The following ITGA8 variants were observed in gnomAD, a reference collection of about 807,000 sequenced individuals.
The protein encoded by ITGA8 is integrin alpha-8.
Under a neutral mutation model 142.3 loss-of-function variants are expected in ITGA8, and 91 were observed. The observed-to-expected ratio is 0.64, with a 90% CI of 0.54 to 0.76. ITGA8 has a LOEUF of 0.76. Among genes scored for constraint, ITGA8 ranks in the 30% least tolerant of loss-of-function variants. ITGA8 has a pLI of 0.00. For missense variants in ITGA8, 1,406 were observed against 1,327.7 expected, an observed-to-expected ratio of 1.06 and a Z score of -0.92; for synonymous variants, 505 against 485.2, an observed-to-expected ratio of 1.04 and a Z score of -0.54.
chr10:15,534,538 T>C (rs1361421615), intron 27 of ITGA8, among the ~76,000 whole-genome samples: 1 of 152,196 alleles, frequency 6.6e-6, no homozygotes, highest in Non-Finnish European at 1.5e-5. Context: ...AATGCTTTGG[T>C]CATTTGACGA....
chr10:15,522,390 T>C (rs931772257), intron 28 of ITGA8, among the ~76,000 whole-genome samples: 1 of 152,122 alleles, frequency 6.6e-6, no homozygotes, highest in Non-Finnish European at 1.5e-5. Flanking sequence ...AGGAACAGCA[T>C]GAAGTGGTAT....
At chr10:15,717,757 T>C (rs564335172) in intron 2 of ITGA8, among the ~76,000 whole-genome samples, 2 of 152,366 alleles carry the variant, frequency 1.3e-5, no homozygotes, top group East Asian at 3.9e-4. Context: ...AAACTGAAAT[T>C]GTTTTCTCCT....
At chr10:15,628,833 C>T (rs1349540518) in intron 13 of ITGA8, among the ~76,000 whole-genome samples, 2 of 151,612 alleles carry the variant, frequency 1.3e-5, no homozygotes, top group Non-Finnish European at 2.9e-5. Context: ...TCTCATGTAC[C>T]CCATAACTAC....
chr10:15,709,267 G>T (rs1835319435), intron 2 of ITGA8, among the ~76,000 whole-genome samples: 2 of 152,194 alleles, frequency 1.3e-5, no homozygotes, highest in South Asian at 4.1e-4. Flanking sequence ...CATTCTGTCA[G>T]TTCTCCTCCC....
intron 2 of ITGA8, among the ~76,000 whole-genome samples, chr10:15,691,419 G>A (rs1834931507): frequency 6.6e-6 from 1 of 152,190 alleles, no homozygotes. Context: ...CTGTTCATAA[G>A]AGCCAAGATA....
intron 8 of ITGA8, among the ~76,000 whole-genome samples, chr10:15,670,138 A>T (rs1834483675): frequency 6.6e-6 from 1 of 152,180 alleles, no homozygotes; most frequent in African/African-American, 2.4e-5. Flanking sequence ...TCCCAACTCC[A>T]TTTACTCTTA....
chr10:15,549,215 T>G (rs142694114), intron 26 of ITGA8, among the ~76,000 whole-genome samples: 3 of 36,390 alleles, frequency 8.2e-5, no homozygotes, highest in African/African-American at 1.3e-4. Context: ...TTTTTTTTTT[T>G]TTTTTTTTTT....
chr10:15,704,900 G>T (rs1835229331), intron 2 of ITGA8, among the ~76,000 whole-genome samples: 1 of 152,112 alleles, frequency 6.6e-6, no homozygotes, highest in Non-Finnish European at 1.5e-5. Flanking sequence ...CTGTTACATG[G>T]TCTTATATTT....
At chr10:15,594,386 A>G (rs1273171891) in intron 21 of ITGA8, among the ~76,000 whole-genome samples, 1 of 151,874 alleles carries the variant, frequency 6.6e-6, no homozygotes, top group Non-Finnish European at 1.5e-5. Context: ...AACTTATGAC[A>G]CTGCTAATTT....
intron 13 of ITGA8, among the ~76,000 whole-genome samples, chr10:15,642,993 T>C (rs1833898369): frequency 1.3e-5 from 2 of 152,186 alleles, no homozygotes; most frequent in Non-Finnish European, 2.9e-5. Context: ...CTTCTAAGTA[T>C]TTATTGAAAC....
At chr10:15,521,351 C>G (rs750263982) in intron 28 of ITGA8, among the ~76,000 whole-genome samples, 2 of 152,104 alleles carry the variant, frequency 1.3e-5, no homozygotes, top group Non-Finnish European at 2.9e-5. Context: ...TAGAGTTGAG[C>G]GCCCTGATGG....
At chr10:15,521,104 C>T (rs1291868823) in intron 28 of ITGA8, among the ~76,000 whole-genome samples, 1 of 152,214 alleles carries the variant, frequency 6.6e-6, no homozygotes, top group African/African-American at 2.4e-5. Flanking sequence ...CTGCAACTTC[C>T]ACCTCCCAGG....
chr10:15,647,126 G>T, intron 11 of ITGA8, 75 bp from the exon 12 acceptor site: 1 of 1,092,040 alleles, frequency 9.2e-7, no homozygotes, highest in South Asian at 1.3e-5. Context: ...TAATCAACTA[G>T]ACTAGTAAAT....
intron 29 of ITGA8, 45 bp from the exon 30 acceptor site, chr10:15,517,289 C>G (rs750307359): frequency 1.6e-6 from 2 of 1,258,996 alleles, no homozygotes; most frequent in Non-Finnish European, 2.3e-6. Flanking sequence ...ATTCTGGGAA[C>G]CTGTGAAACC....
intron 2 of ITGA8, among the ~76,000 whole-genome samples, chr10:15,698,213 T>A (rs567284759): frequency 6.6e-6 from 1 of 152,348 alleles, no homozygotes; most frequent in East Asian, 1.9e-4. Flanking sequence ...TCCAATTCCA[T>A]CCAGGTTGCT....
intron 2 of ITGA8, among the ~76,000 whole-genome samples, chr10:15,708,819 C>T (rs1437579138): frequency 2.0e-5 from 3 of 152,138 alleles, no homozygotes; most frequent in African/African-American, 7.2e-5. Flanking sequence ...TGCAATTAGA[C>T]ACACCCCTTT....
At chr10:15,646,297 G>A (rs1259549556) in intron 12 of ITGA8, among the ~76,000 whole-genome samples, 4 of 152,132 alleles carry the variant, frequency 2.6e-5, no homozygotes, top group Non-Finnish European at 4.4e-5. Flanking sequence ...GTTTAAAGTT[G>A]AACATTTGAG....
At chr10:15,707,155 C>T (rs1835275648) in intron 2 of ITGA8, among the ~76,000 whole-genome samples, 1 of 152,198 alleles carries the variant, frequency 6.6e-6, no homozygotes, top group Admixed American at 6.5e-5. Context: ...TCTCCCAAAA[C>T]TGACTATATT....
chr10:15,597,102 G>T, intron 21 of ITGA8, 105 bp downstream of exon 21: 1 of 816,790 alleles, frequency 1.2e-6, no homozygotes, highest in Non-Finnish European at 2.1e-6. Flanking sequence ...ATTTGTTGTT[G>T]CTGCTAGGTG....
Sources: gnomAD v4.1 joint callset for allele counts (sites outside exome capture counted in the v4.1 genomes callset) on GRCh38, gnomAD v4.1.1 for gene constraint, MANE v1.5 for transcripts, NCBI Gene and HGNC (gene_info 2026-07-23, HGNC 2026-07-21) for gene names.